The following PSD3 variants were observed in gnomAD, a reference collection of about 807,000 sequenced individuals.
The protein encoded by PSD3 is pleckstrin and Sec7 domain containing 3.
A neutral mutation model predicts 105.5 loss-of-function variants in PSD3; 49 were observed. That is an observed-to-expected ratio of 0.46 (90% CI 0.37 to 0.59). The LOEUF is 0.59. Among genes scored for constraint, PSD3 ranks in the 20% least tolerant of loss-of-function variants. The pLI, the probability that PSD3 is intolerant of heterozygous loss-of-function variation, is 0.00. For synonymous variants in PSD3, 557 were observed against 457.8 expected (o/e 1.22, Z -2.77); for missense variants, 1,561 against 1,263.8 (o/e 1.24, Z -3.57).
chr8:19,064,283 A>G (rs1168775960), intron 1 of PSD3, among the ~76,000 whole-genome samples: 1 of 152,180 alleles, frequency 6.6e-6, no homozygotes, highest in Non-Finnish European at 1.5e-5. Context: ...AAATAGAGTA[A>G]TATTAGACAT....
intron 9 of PSD3, among the ~76,000 whole-genome samples, chr8:18,668,903 T>G (rs894110544): frequency 6.6e-6 from 1 of 152,226 alleles, no homozygotes; most frequent in Non-Finnish European, 1.5e-5. Flanking sequence ...AGCTTTTCCT[T>G]TTGTTATATC....
At chr8:18,731,247 ACT>A (rs1364067726) in intron 9 of PSD3, among the ~76,000 whole-genome samples, 1 of 152,172 alleles carries the variant, frequency 6.6e-6, no homozygotes, top group Non-Finnish European at 1.5e-5. Flanking sequence ...CAAGAGTGAA[ACT>A]CTGTCTCAAA....
intron 2 of PSD3, among the ~76,000 whole-genome samples, chr8:18,914,270 T>A (rs937085127): frequency 2.0e-5 from 3 of 151,274 alleles, no homozygotes; most frequent in Admixed American, 2.0e-4. Flanking sequence ...AAAGACCCTA[T>A]GTGACAAGCC....
intron 1 of PSD3, among the ~76,000 whole-genome samples, chr8:18,966,241 CAG>C (rs972249630): frequency 2.8e-4 from 43 of 152,194 alleles, no homozygotes; most frequent in African/African-American, 9.4e-4. Flanking sequence ...CCACTTCTCA[CAG>C]AGTTTCCACA....
At chr8:18,647,950 T>G (rs1208387961) in intron 10 of PSD3, among the ~76,000 whole-genome samples, 2 of 152,168 alleles carry the variant, frequency 1.3e-5, no homozygotes, top group Non-Finnish European at 2.9e-5. Context: ...TGATTTAAAG[T>G]TTCCCGAGGC....
intron 11 of PSD3, among the ~76,000 whole-genome samples, chr8:18,609,748 A>G (rs1270899749): frequency 6.6e-6 from 1 of 152,202 alleles, no homozygotes; most frequent in African/African-American, 2.4e-5. Flanking sequence ...TAGATGACAG[A>G]CTCACAGATG....
rs1196275151 is a variant in PSD3, at chr8:18,892,005, C to T, written c.131-19272G>A. Among the ~76,000 whole-genome samples the T allele has an allele frequency of 2.6e-5, 4 of 152,128 alleles. No homozygotes were observed. The East Asian group carries it at 7.7e-4, about 29-fold the overall frequency. On this transcript the variant is annotated intron_variant, in intron 2 of 15. Coordinates refer to ENST00000327040, the MANE Select transcript of PSD3 (RefSeq NM_015310.4). ...CACAGTTAAAAGAATAAGAAGCAAC[C>T]CTCAGACCAAAGTTTACAAAAGGGG...
At chr8:18,691,607 T>A (rs2130995326) in intron 9 of PSD3, among the ~76,000 whole-genome samples, 1 of 152,374 alleles carries the variant, frequency 6.6e-6, no homozygotes, top group African/African-American at 2.4e-5. Flanking sequence ...CCTCCAAAGC[T>A]GTTCATCCAG....
chr8:18,836,665 G>A (rs988899796), intron 4 of PSD3, among the ~76,000 whole-genome samples: 1 of 152,248 alleles, frequency 6.6e-6, no homozygotes, highest in African/African-American at 2.4e-5. Context: ...AAATGGTGTA[G>A]TATTTGCATA....
upstream of PSD3, among the ~76,000 whole-genome samples, chr8:19,015,888 T>A (rs1827164774): frequency 6.6e-6 from 1 of 152,240 alleles, no homozygotes; most frequent in Non-Finnish European, 1.5e-5. Flanking sequence ...GTTTTATCCC[T>A]GAAGCCAAAA....
intron 1 of PSD3, among the ~76,000 whole-genome samples, chr8:18,950,623 T>C (rs1338939764): frequency 6.6e-6 from 1 of 152,216 alleles, no homozygotes; most frequent in Non-Finnish European, 1.5e-5. Context: ...AGTGAGAACA[T>C]GCAGTATTTG....
intron 14 of PSD3, among the ~76,000 whole-genome samples, chr8:18,564,148 G>C (rs1227193953): frequency 6.6e-6 from 1 of 151,096 alleles, no homozygotes; most frequent in Non-Finnish European, 1.5e-5. Context: ...AAAATGTTAA[G>C]GTTTACTAAT....
intron 1 of PSD3, among the ~76,000 whole-genome samples, chr8:18,981,895 C>G (rs1282017640): frequency 6.6e-6 from 1 of 152,164 alleles, no homozygotes; most frequent in African/African-American, 2.4e-5. Flanking sequence ...AGGGTGGTAG[C>G]TGCTGAAGGC....
intron 1 of PSD3, among the ~76,000 whole-genome samples, chr8:19,003,532 T>C (rs1323055834): frequency 2.0e-5 from 3 of 152,034 alleles, no homozygotes; most frequent in East Asian, 1.9e-4. Context: ...TTTCTTTCCA[T>C]GCCCTTTTCT....
chr8:18,857,040 G>A (rs1375476976), intron 4 of PSD3, among the ~76,000 whole-genome samples: 2 of 152,164 alleles, frequency 1.3e-5, no homozygotes, highest in Admixed American at 1.3e-4. Flanking sequence ...ATCAATCCCT[G>A]CTGATATAGT....
intron 8 of PSD3, among the ~76,000 whole-genome samples, chr8:18,774,306 C>T (rs948731511): frequency 7.9e-5 from 12 of 152,072 alleles, no homozygotes; most frequent in African/African-American, 1.9e-4. Flanking sequence ...ATGTATATAT[C>T]GTATAATGAT....
Position 18,854,568 on chromosome 8 carries a change from C to A in PSD3, c.1634+13106G>T, listed in dbSNP as rs1042689808. 2.1e-4 allele frequency among the ~76,000 whole-genome samples: 32 copies of A among 152,304 alleles called. No homozygotes were observed. In the East Asian group the frequency reaches 3.7e-3, roughly 17 times the overall value. ...CATCGTTCAAAACAAAGTAACTTTG[C>A]CACTGATTTGGTTTAATAGCACTAA... On this transcript the variant is annotated intron_variant, in intron 4 of 15. Transcript: ENST00000327040.
At chr8:19,075,199 C>T (rs913446677) in intron 1 of PSD3, among the ~76,000 whole-genome samples, 2 of 152,126 alleles carry the variant, frequency 1.3e-5, no homozygotes, top group South Asian at 2.1e-4. Context: ...CCGCCCACCT[C>T]GGCCTCCCAA....
intron 2 of PSD3, among the ~76,000 whole-genome samples, chr8:18,933,141 G>A (rs1039826478): frequency 1.3e-5 from 2 of 152,174 alleles, no homozygotes; most frequent in African/African-American, 4.8e-5. Flanking sequence ...CACACCTACA[G>A]CATAACATCA....
Sources: gnomAD v4.1 joint callset for allele counts (sites outside exome capture counted in the v4.1 genomes callset) on GRCh38, gnomAD v4.1.1 for gene constraint, MANE v1.5 for transcripts, NCBI Gene and HGNC (gene_info 2026-07-23, HGNC 2026-07-21) for gene names.